FAM20C: variants seen among roughly 807,000 people sequenced by gnomAD.
FAM20C encodes the protein FAM20C golgi associated secretory pathway kinase, also known as extracellular serine/threonine protein kinase FAM20C.
In FAM20C, 40 loss-of-function variants were observed where a neutral mutation model predicts 51.5. The ratio of observed to expected loss-of-function variants is 0.78; its 90% confidence interval spans 0.60 to 1.01. FAM20C has a LOEUF of 1.01. Among genes scored for constraint, FAM20C ranks in the 50% least tolerant of loss-of-function variants. The pLI is 0.00. For synonymous variants in FAM20C, 406 were observed against 380.6 expected, an observed-to-expected ratio of 1.07 and a Z score of -0.78; for missense variants, 861 against 844.7, an observed-to-expected ratio of 1.02 and a Z score of -0.24.
At chr7:240,381 C>T in intron 3 of FAM20C, among the ~76,000 whole-genome samples, 1 of 143,280 alleles carries the variant, frequency 7.0e-6, no homozygotes, top group African/African-American at 2.7e-5. Context: ...AGGTGATGAT[C>T]ATGGTAGAGG....
chr7:207,725 G>A (rs527812223), intron 2 of FAM20C, among the ~76,000 whole-genome samples: 97 of 152,294 alleles, frequency 6.4e-4, no homozygotes, highest in East Asian at 1.9e-3. Context: ...AATCCCCCGC[G>A]TGGCCCGGAC....
chr7:220,817 C>T (rs1787227917), intron 3 of FAM20C, among the ~76,000 whole-genome samples: 1 of 152,228 alleles, frequency 6.6e-6, no homozygotes, highest in South Asian at 2.1e-4. Flanking sequence ...TGCATTTTCC[C>T]TGGGCACCCA....
intron 3 of FAM20C, among the ~76,000 whole-genome samples, chr7:231,166 G>C (rs146417084): frequency 1.3e-5 from 2 of 152,154 alleles, no homozygotes; most frequent in African/African-American, 4.8e-5. Context: ...TGGCGTGGCC[G>C]ACCCCAACCA....
chr7:231,413 G>A (rs1027189636), intron 3 of FAM20C, among the ~76,000 whole-genome samples: 2 of 144,874 alleles, frequency 1.4e-5, no homozygotes, highest in South Asian at 4.5e-4. Flanking sequence ...GTCGAGGGCC[G>A]CGTGGGAGGA....
chr7:193,375 G>C lies in FAM20C; in HGVS notation c.176G>C (p.Gly59Ala), dbSNP rs1232380605. 7 of 1,295,848 alleles carry C rather than the reference G, an allele frequency of 5.4e-6. No individual in the cohort carries two copies. The African/African-American group carries it at 9.4e-5, about 17-fold the overall frequency. 80.3% of individuals were successfully genotyped at this position (1,295,848 alleles called of 1,614,324 possible). A position where few individuals can be genotyped will look rare whatever the true frequency, so the allele number is the denominator to read the frequency against. The change falls in exon 1 of 10, where the codon GGC becomes GCC. Residue 59 changes from glycine to alanine, a missense_variant. By Grantham distance (60) the Gly-to-Ala change is moderately conservative. Around this residue, in one of 3 missense-constraint regions of FAM20C, gnomAD observed 561 missense variants for 499.8 expected, o/e 1.12. Coordinates refer to ENST00000313766, the MANE Select transcript of FAM20C (RefSeq NM_020223.4). ...AQPAAEVAAP[G>A]WAQVRGRPGE... ...CCCGCCGCCGAGGTGGCCGCGCCCG[G>C]CTGGGCCCAGGTTCGGGGCCGCCCC...
intron 9 of FAM20C, 119 bp from the exon 10 acceptor site, chr7:259,612 C>G: frequency 9.1e-7 from 1 of 1,095,568 alleles, no homozygotes; most frequent in Non-Finnish European, 1.2e-6. Context: ...CTCTGTCCCC[C>G]TCTTTCTCTC....
chr7:248,195 G>A (rs986579013), intron 4 of FAM20C, 120 bp from the exon 5 acceptor site: 8 of 663,326 alleles, frequency 1.2e-5, no homozygotes, highest in South Asian at 2.1e-5. Context: ...GGGACACAGA[G>A]GCCCGCTGAG....
intron 3 of FAM20C, among the ~76,000 whole-genome samples, chr7:230,414 T>G (rs995311627): frequency 7.1e-6 from 1 of 141,422 alleles, no homozygotes; most frequent in African/African-American, 2.6e-5. Context: ...AAAGTGCCCC[T>G]GTCTGTGGTT....
At chr7:241,296 CAG>C (rs1298529688) in intron 3 of FAM20C, among the ~76,000 whole-genome samples, 1 of 152,180 alleles carries the variant, frequency 6.6e-6, no homozygotes, top group Non-Finnish European at 1.5e-5. Flanking sequence ...GAGCAGAACA[CAG>C]GGTCAGATGG....
chr7:242,280 A>T (rs1387963301), intron 3 of FAM20C, among the ~76,000 whole-genome samples: 3 of 152,186 alleles, frequency 2.0e-5, no homozygotes, highest in South Asian at 2.1e-4. Context: ...CAGCAGCAAG[A>T]TGAACACCCA....
chr7:240,569 G>T (rs1028358104), intron 3 of FAM20C, among the ~76,000 whole-genome samples: 34,013 of 152,016 alleles, frequency 0.22, 4,066 homozygotes, highest in East Asian at 0.31. Context: ...TGATAGAAAT[G>T]GAAGGAATGA....
chr7:255,032 G>A lies in FAM20C; in HGVS notation c.1073-817G>A, dbSNP rs556386990. On this transcript the variant is annotated intron_variant, in intron 5 of 9. Coordinates refer to ENST00000313766, the MANE Select transcript of FAM20C (RefSeq NM_020223.4). The stretch of plus-strand genomic sequence containing the variant: ...GGTGGATTCTCTCTTTTTCGGCTGT[G>A]GTGAGCGGTGCTGCTGTGAGCATTC... 3.9e-5 allele frequency among the ~76,000 whole-genome samples: 6 copies of A among 152,320 alleles called. No individual in the cohort carries two copies. The South Asian group carries it at 1.2e-3, about 32-fold the overall frequency.
intron 4 of FAM20C, among the ~76,000 whole-genome samples, chr7:247,897 G>A (rs1583332757): frequency 2.0e-5 from 3 of 152,270 alleles, no homozygotes; most frequent in South Asian, 4.1e-4. Flanking sequence ...CAATCACCAC[G>A]TCCTCCGTCA....
At position 240,965 on chromosome 7, in the gene FAM20C, A is replaced by G. The variant is rs911471105; in HGVS notation, c.864-5450A>G. 1.3e-3 allele frequency among the ~76,000 whole-genome samples: 205 copies of G among 152,252 alleles called. 2 individuals are homozygous for G. Among genetic ancestry groups the G allele is most frequent in the African/African-American group, 4.6e-3 (191 of 41,550 alleles). On this transcript the variant is annotated intron_variant, in intron 3 of 9. Coordinates refer to ENST00000313766, the MANE Select transcript of FAM20C (RefSeq NM_020223.4). ...CCTGAGCAGGGGGTGGGGCTGAGGT[A>G]GAGGAGGGGCAGGTGCTGGAGAGCT...
intron 3 of FAM20C, among the ~76,000 whole-genome samples, chr7:241,645 G>A (rs1327384921): frequency 6.6e-6 from 1 of 151,338 alleles, no homozygotes; most frequent in African/African-American, 2.4e-5. Context: ...CGAGTGTATG[G>A]ATGCACATGT....
intron 5 of FAM20C, among the ~76,000 whole-genome samples, chr7:253,240 C>T (rs1183824960): frequency 6.6e-6 from 1 of 152,220 alleles, no homozygotes; most frequent in African/African-American, 2.4e-5. Flanking sequence ...GCACAGCTGT[C>T]CAAGGTGGCA....
intron 2 of FAM20C, among the ~76,000 whole-genome samples, chr7:197,853 T>G (rs1241390389): frequency 6.6e-6 from 1 of 152,230 alleles, no homozygotes; most frequent in African/African-American, 2.4e-5. Flanking sequence ...TGGGGCATCT[T>G]TGCCCACCTT....
intron 3 of FAM20C, among the ~76,000 whole-genome samples, chr7:236,365 G>A (rs1191319183): frequency 2.6e-5 from 4 of 152,236 alleles, no homozygotes; most frequent in African/African-American, 9.6e-5. Context: ...CAACCCTTGA[G>A]GTGTCCGTTG....
intron 2 of FAM20C, among the ~76,000 whole-genome samples, chr7:200,445 C>A (rs1260166650): frequency 6.6e-6 from 1 of 152,194 alleles, no homozygotes; most frequent in Non-Finnish European, 1.5e-5. Flanking sequence ...GCACTCAACT[C>A]CCTTCCCAGC....
Sources: gnomAD v4.1 joint callset for allele counts (sites outside exome capture counted in the v4.1 genomes callset) on GRCh38, gnomAD v4.1.1 for gene constraint, gnomAD v4.1.1 regional missense constraint, MANE v1.5 for transcripts, NCBI Gene and HGNC (gene_info 2026-07-23, HGNC 2026-07-21) for gene names.